KCNK9: variants seen among roughly 807,000 people sequenced by gnomAD.
KCNK9 encodes potassium two pore domain channel subfamily K member 9, also known as potassium channel subfamily K member 9.
KCNK9 carries 1 observed loss-of-function variant against 10.8 expected under a neutral mutation model. The observed-to-expected ratio is 0.09, with a 90% CI of 0.03 to 0.44. KCNK9 has a LOEUF of 0.44. Among genes scored for constraint, KCNK9 ranks in the 20% least tolerant of loss-of-function variants. The pLI, the probability that KCNK9 is intolerant of heterozygous loss-of-function variation, is 0.97. For missense variants in KCNK9, 303 were observed against 515.0 expected, an observed-to-expected ratio of 0.59 and a Z score of 3.98; for synonymous variants, 231 against 222.7, an observed-to-expected ratio of 1.04 and a Z score of -0.33.
downstream of KCNK9, chr8:139,611,644 C>T (rs1414573360): frequency 3.3e-5 from 5 of 152,260 alleles, no homozygotes; most frequent in African/African-American, 1.2e-4. Context: ...AGTATGCTCC[C>T]ATAGTCTGGT....
downstream of KCNK9, among the ~76,000 whole-genome samples, chr8:139,614,716 G>A (rs545852510): frequency 6.6e-5 from 10 of 152,352 alleles, no homozygotes; most frequent in South Asian, 2.1e-3. Context: ...CAGGATGGGT[G>A]CAATGAGGAT....
At chr8:139,676,678 C>A (rs960397170) in intron 1 of KCNK9, among the ~76,000 whole-genome samples, 2 of 152,204 alleles carry the variant, frequency 1.3e-5, no homozygotes, top group Non-Finnish European at 2.9e-5. Context: ...TGGCCGAGCA[C>A]GGTGGCTCAC....
intron 1 of KCNK9, among the ~76,000 whole-genome samples, chr8:139,675,104 G>A (rs902550824): frequency 6.6e-6 from 1 of 152,188 alleles, no homozygotes; most frequent in Non-Finnish European, 1.5e-5. Context: ...CCCAAGCCTC[G>A]GTTATCCACC....
chr8:139,672,222 C>A (rs1816446021), intron 1 of KCNK9, among the ~76,000 whole-genome samples: 1 of 152,176 alleles, frequency 6.6e-6, no homozygotes, highest in South Asian at 2.1e-4. Flanking sequence ...ACACACCACC[C>A]ACCTGACTTC....
chr8:139,624,989 C>T (rs1057305208), intron 1 of KCNK9, among the ~76,000 whole-genome samples: 8 of 152,344 alleles, frequency 5.3e-5, no homozygotes, highest in Non-Finnish European at 5.9e-5. Context: ...CCCTCTACTT[C>T]CTCATCTGTG....
At chr8:139,609,238 G>GCCCTC (rs1814337897), downstream of KCNK9, among the ~76,000 whole-genome samples, 25 of 93,602 alleles carry the variant, frequency 2.7e-4, no homozygotes, top group Non-Finnish European at 4.1e-4. Flanking sequence ...GGGGTGCTCT[G>GCCCTC]CCCCCCCACC....
At chr8:139,602,728 AAAG>A (rs1320399482) in intron 2 of KCNK9, among the ~76,000 whole-genome samples, 1 of 152,200 alleles carries the variant, frequency 6.6e-6, no homozygotes, top group African/African-American at 2.4e-5. Flanking sequence ...ATTATAAAAC[AAAG>A]AAGTTCTGAT....
chr8:139,640,347 C>T (rs900774136), intron 1 of KCNK9, among the ~76,000 whole-genome samples: 1 of 152,204 alleles, frequency 6.6e-6, no homozygotes, highest in Non-Finnish European at 1.5e-5. Context: ...GCCCCTGACG[C>T]ACTGTACATC....
chr8:139,633,491 A>G (rs1478638919), intron 1 of KCNK9, among the ~76,000 whole-genome samples: 1 of 152,212 alleles, frequency 6.6e-6, no homozygotes, highest in African/African-American at 2.4e-5. Flanking sequence ...AATAGGTGGC[A>G]GTCTTGGATT....
At chr8:139,622,662 T>G (rs2130114834) in intron 1 of KCNK9, among the ~76,000 whole-genome samples, 1 of 152,364 alleles carries the variant, frequency 6.6e-6, no homozygotes, top group East Asian at 1.9e-4. Flanking sequence ...ATAGCCCATT[T>G]ATTAATCATT....
intron 1 of KCNK9, among the ~76,000 whole-genome samples, chr8:139,643,693 C>T (rs1815580886): frequency 6.6e-6 from 1 of 152,214 alleles, no homozygotes; most frequent in Non-Finnish European, 1.5e-5. Context: ...CTGCTGGCAG[C>T]CCCCACCCCA....
chr8:139,655,903 T>C (rs769071289), intron 1 of KCNK9, among the ~76,000 whole-genome samples: 1 of 152,188 alleles, frequency 6.6e-6, no homozygotes, highest in African/African-American at 2.4e-5. Context: ...GCCTTGGGAA[T>C]GTCCCTGGAG....
chr8:139,635,317 CAG>C (rs1372646998), intron 1 of KCNK9, among the ~76,000 whole-genome samples: 2 of 152,238 alleles, frequency 1.3e-5, no homozygotes, highest in African/African-American at 4.8e-5. Context: ...GTTGCTAGGG[CAG>C]AGTCAGATTT....
At chr8:139,674,648 C>T (rs2129744107) in intron 1 of KCNK9, among the ~76,000 whole-genome samples, 2 of 152,342 alleles carry the variant, frequency 1.3e-5, no homozygotes, top group South Asian at 4.1e-4. Context: ...CATGCCTCTG[C>T]AGTGCCTCAC....
chr8:139,604,690 T>C (rs969110256), intron 2 of KCNK9, among the ~76,000 whole-genome samples: 4 of 152,184 alleles, frequency 2.6e-5, no homozygotes, highest in Non-Finnish European at 5.9e-5. Context: ...TTTCTGTATG[T>C]AAATTAAGCC....
intron 1 of KCNK9, among the ~76,000 whole-genome samples, chr8:139,658,567 C>A (rs1331722279): frequency 1.3e-5 from 2 of 152,228 alleles, no homozygotes; most frequent in Non-Finnish European, 2.9e-5. Flanking sequence ...CTCCACTGTA[C>A]AAAAGATACC....
intron 1 of KCNK9, among the ~76,000 whole-genome samples, chr8:139,663,398 A>G (rs1156481388): frequency 6.6e-6 from 1 of 152,072 alleles, no homozygotes; most frequent in Non-Finnish European, 1.5e-5. Context: ...CCATCAACAC[A>G]GAGCACCTCC....
intron 1 of KCNK9, among the ~76,000 whole-genome samples, chr8:139,690,185 C>A (rs1816908607): frequency 6.6e-6 from 1 of 152,052 alleles, no homozygotes; most frequent in Non-Finnish European, 1.5e-5. Context: ...TGAAGTCAGA[C>A]TTCCCGGGCA....
At chr8:139,646,430 C>A (rs1394070854) in intron 1 of KCNK9, among the ~76,000 whole-genome samples, 1 of 152,234 alleles carries the variant, frequency 6.6e-6, no homozygotes, top group African/African-American at 2.4e-5. Flanking sequence ...ATAAGCAGAA[C>A]AGAGATTCTA....
Sources: gnomAD v4.1 joint callset for allele counts (sites outside exome capture counted in the v4.1 genomes callset) on GRCh38, gnomAD v4.1.1 for gene constraint, MANE v1.5 for transcripts, NCBI Gene and HGNC (gene_info 2026-07-23, HGNC 2026-07-21) for gene names.